Variants in FAAH2 observed in about 807,000 individuals in gnomAD.
FAAH2 encodes the protein fatty-acid amide hydrolase 2.
FAAH2 carries 60 observed loss-of-function variants against 36.9 expected under a neutral mutation model. The observed-to-expected ratio is 1.63, with a 90% CI of 1.32 to 2.02. FAAH2 has a LOEUF of 2.02. FAAH2 is among the 30% of genes most tolerant of loss of function. FAAH2 has a pLI of 0.00. For synonymous variants in FAAH2, 214 were observed against 143.8 expected (o/e 1.49, Z -3.49); for missense variants, 689 against 397.5 (o/e 1.73, Z -6.23).
chrX:57,334,251 CAG>C (rs1274422697), intron 4 of FAAH2, among the ~76,000 whole-genome samples: 1 of 98,900 alleles, frequency 1.0e-5, no homozygotes, highest in Middle Eastern at 5.2e-3. Flanking sequence ...GCCTAGGTGA[CAG>C]AGGGAGATTC....
chrX:57,240,563 C>T, the FAAH2 span, among the ~76,000 whole-genome samples: 7 of 111,686 alleles, frequency 6.3e-5, no homozygotes, highest in East Asian at 2.0e-3. Context: ...ATGGCATTGA[C>T]ATGGTCGGGT....
At chrX:57,299,282 G>A (rs1480248217) in intron 2 of FAAH2, among the ~76,000 whole-genome samples, 1 of 112,150 alleles carries the variant, frequency 8.9e-6, no homozygotes, top group Non-Finnish European at 1.9e-5. Context: ...TCATCCCTGG[G>A]ATGCAAGGCT....
At chrX:57,444,331 G>A (rs974458734) in intron 8 of FAAH2, among the ~76,000 whole-genome samples, 10 of 111,890 alleles carry the variant, frequency 8.9e-5, no homozygotes, top group African/African-American at 1.6e-4. Context: ...CCCCAGCCTC[G>A]CTGCCACCTT....
Position 57,431,787 on chromosome X carries a change from G to GT in FAAH2, c.997-123dup, listed in dbSNP as rs58140227. 3.7e-4 allele frequency: 48 copies of GT among 129,279 alleles called. 6 individuals carry two copies. The highest frequency in any genetic ancestry group is 1.2e-3 in the South Asian group (3 of 2,419). 10.7% of individuals were successfully genotyped at this position (129,279 alleles called of 1,213,427 possible). A position where few individuals can be genotyped will look rare whatever the true frequency, so the allele number is the denominator to read the frequency against. ...TGTTTTTTTGTTTTTTTGTTTTTTT[G>GT]TTTTTTTTGGTGTTTCCATGGGGCA... is the stretch of plus-strand genomic sequence containing the variant. On this transcript the variant is annotated intron_variant, in intron 7 of 10. Transcript: ENST00000374900.
At chrX:57,128,505 A>C in the FAAH2 span, among the ~76,000 whole-genome samples, 1 of 111,754 alleles carries the variant, frequency 8.9e-6, no homozygotes, top group Non-Finnish European at 1.9e-5. Context: ...AATTATCATC[A>C]TAGATAGTCA....
At chrX:57,169,300 T>C in the FAAH2 span, among the ~76,000 whole-genome samples, 1 of 103,877 alleles carries the variant, frequency 9.6e-6, no homozygotes, top group Non-Finnish European at 2.0e-5. Context: ...CACAGTTTAG[T>C]TCATATTGCT....
the FAAH2 span, among the ~76,000 whole-genome samples, chrX:57,125,050 A>G: frequency 2.3e-4 from 26 of 112,447 alleles, no homozygotes; most frequent in Admixed American, 7.5e-4. Context: ...TGTTGAATAG[A>G]AGTGGTGAGA....
At chrX:57,355,014 A>G (rs1014773113) in intron 5 of FAAH2, among the ~76,000 whole-genome samples, 29 of 111,078 alleles carry the variant, frequency 2.6e-4, no homozygotes, top group Non-Finnish European at 5.1e-4. Context: ...CTTTTTTATC[A>G]AATATTCTCT....
At chrX:57,262,995 C>G in the FAAH2 span, among the ~76,000 whole-genome samples, 1 of 111,315 alleles carries the variant, frequency 9.0e-6, no homozygotes, top group Non-Finnish European at 1.9e-5. Context: ...TACTACAGCT[C>G]ACATCACACA....
intron 7 of FAAH2, among the ~76,000 whole-genome samples, chrX:57,401,916 GAA>G (rs1185282079): frequency 9.0e-6 from 1 of 111,463 alleles, no homozygotes; most frequent in African/African-American, 3.3e-5. Context: ...ACAAGCATGT[GAA>G]AAGAGTAAAG....
At chrX:57,259,227 T>C in the FAAH2 span, among the ~76,000 whole-genome samples, 1 of 111,777 alleles carries the variant, frequency 8.9e-6, no homozygotes, top group Non-Finnish European at 1.9e-5. Context: ...AAATACCATA[T>C]AATCCAGTGA....
At chrX:57,197,538 C>G in the FAAH2 span, among the ~76,000 whole-genome samples, 5 of 76,351 alleles carry the variant, frequency 6.5e-5, no homozygotes, top group African/African-American at 6.5e-4. Flanking sequence ...GGCTGCTATT[C>G]AGATATTTTT....
chrX:57,286,959 C>G lies in FAAH2; in HGVS notation c.134C>G (p.Thr45Ser). The G allele has an allele frequency of 8.3e-7, 1 of 1,202,492 alleles. No individual in the cohort carries two copies. Among genetic ancestry groups the G allele is most frequent in the Non-Finnish European group, 1.1e-6 (1 of 890,945 alleles). The stretch of plus-strand genomic sequence containing the variant: ...GCCTCAAAGACCCCTCGGCCGGTGA[C>G]TGAACCATTGCTTCTGCTTTCGGGG... ...KFASKTPRPV[T>S]EPLLLLSGMQ... The change falls in exon 1 of 11, where the codon ACT (threonine) becomes AGT (serine). Residue 45 changes from threonine to serine, a missense_variant. By Grantham distance (58) the Thr-to-Ser change is moderately conservative. Transcript: ENST00000374900.
the FAAH2 span, among the ~76,000 whole-genome samples, chrX:57,237,377 T>C: frequency 1.8e-5 from 2 of 111,410 alleles, no homozygotes; most frequent in African/African-American, 6.5e-5. Context: ...ACAATCATAC[T>C]AACAGAAATA....
intron 7 of FAAH2, among the ~76,000 whole-genome samples, chrX:57,403,887 T>C (rs1255469754): frequency 1.8e-5 from 2 of 112,754 alleles, no homozygotes; most frequent in Non-Finnish European, 3.7e-5. Context: ...CTGTGGTTAA[T>C]GTTAAATTAT....
At chrX:57,135,599 A>G in the FAAH2 span, 1 of 731,980 alleles carries the variant, frequency 1.4e-6, no homozygotes. Flanking sequence ...TGCCCCATCT[A>G]CCAAACACAC....
At chrX:57,249,598 G>T in the FAAH2 span, among the ~76,000 whole-genome samples, 3 of 111,752 alleles carry the variant, frequency 2.7e-5, no homozygotes, top group Non-Finnish European at 5.6e-5. Flanking sequence ...ACTTTGGGTT[G>T]GTCTGGTGAA....
At chrX:57,261,031 TC>T in the FAAH2 span, among the ~76,000 whole-genome samples, 1 of 111,667 alleles carries the variant, frequency 9.0e-6, no homozygotes, top group South Asian at 3.7e-4. Context: ...AACCCAATCT[TC>T]TAGATGTTTT....
chrX:57,172,709 G>T, the FAAH2 span, among the ~76,000 whole-genome samples: 3 of 111,767 alleles, frequency 2.7e-5, no homozygotes, highest in East Asian at 5.7e-4. Context: ...TTCTCCTAGA[G>T]TCAGGCCAGT....
Sources: gnomAD v4.1 joint callset for allele counts (sites outside exome capture counted in the v4.1 genomes callset) on GRCh38, gnomAD v4.1.1 for gene constraint, MANE v1.5 for transcripts, NCBI Gene and HGNC (gene_info 2026-07-23, HGNC 2026-07-21) for gene names.